Variants in PTPRR observed in about 807,000 individuals in gnomAD.
PTPRR encodes the protein receptor-type tyrosine-protein phosphatase R.
In PTPRR, 38 loss-of-function variants were observed where a neutral mutation model predicts 77.2. That is an observed-to-expected ratio of 0.49 (90% CI 0.38 to 0.65). PTPRR has a LOEUF of 0.65. Among genes scored for constraint, PTPRR ranks in the 30% least tolerant of loss-of-function variants. PTPRR has a pLI of 0.00. For synonymous variants in PTPRR, 299 were observed against 283.1 expected, an observed-to-expected ratio of 1.06 and a Z score of -0.57; for missense variants, 744 against 799.2, an observed-to-expected ratio of 0.93 and a Z score of 0.83.
At chr12:70,691,515 G>A (rs577061556) in intron 8 of PTPRR, among the ~76,000 whole-genome samples, 2 of 151,996 alleles carry the variant, frequency 1.3e-5, no homozygotes, top group Admixed American at 6.6e-5. Context: ...ACTTTATTAC[G>A]CACATCCTGA....
chr12:70,885,045 CTTAAGAT>C (rs1462465353), intron 2 of PTPRR, among the ~76,000 whole-genome samples: 6 of 151,812 alleles, frequency 4.0e-5, no homozygotes. Flanking sequence ...TTTCACTTTA[CTTAAGAT>C]TTAAGGTCTA....
At chr12:70,677,869 T>C (rs1369673216) in intron 10 of PTPRR, among the ~76,000 whole-genome samples, 55 of 152,308 alleles carry the variant, frequency 3.6e-4, no homozygotes, top group Non-Finnish European at 1.2e-4. Context: ...GTTTCTTTTT[T>C]GGTTGAGTCC....
At chr12:70,761,656 A>T in intron 3 of PTPRR, 30 bp from the exon 4 acceptor site, 1 of 1,496,262 alleles carries the variant, frequency 6.7e-7, no homozygotes, top group Middle Eastern at 1.9e-4. Context: ...TGTATTTGTT[A>T]TAGACATTTT....
chr12:70,798,657 G>A (rs998136417), intron 2 of PTPRR, among the ~76,000 whole-genome samples: 12 of 152,140 alleles, frequency 7.9e-5, no homozygotes, highest in Non-Finnish European at 1.6e-4. Flanking sequence ...GCCAAATCTT[G>A]AAATGCTGCT....
chr12:70,908,270 C>T (rs377128359), intron 1 of PTPRR, among the ~76,000 whole-genome samples: 3 of 152,120 alleles, frequency 2.0e-5, no homozygotes, highest in East Asian at 1.9e-4. Context: ...GACATTAATG[C>T]TTATATATTA....
intron 2 of PTPRR, among the ~76,000 whole-genome samples, chr12:70,812,245 AAG>A (rs1198378268): frequency 6.6e-6 from 1 of 152,210 alleles, no homozygotes; most frequent in Non-Finnish European, 1.5e-5. Context: ...ATAATTGCAC[AAG>A]AGACACTGGC....
intron 10 of PTPRR, among the ~76,000 whole-genome samples, chr12:70,676,703 T>C (rs1474129202): frequency 6.6e-6 from 1 of 152,066 alleles, no homozygotes; most frequent in Non-Finnish European, 1.5e-5. Context: ...TTGTTGTTTG[T>C]AGTGAGAATA....
intron 1 of PTPRR, among the ~76,000 whole-genome samples, chr12:70,910,421 G>A (rs1267122703): frequency 2.6e-5 from 4 of 152,044 alleles, no homozygotes; most frequent in South Asian, 4.1e-4. Flanking sequence ...AAAAGGTAAG[G>A]CAATTATCTT....
chr12:70,753,794 A>G (rs976144723), intron 5 of PTPRR, among the ~76,000 whole-genome samples: 1 of 152,190 alleles, frequency 6.6e-6, no homozygotes, highest in Non-Finnish European at 1.5e-5. Context: ...ATCTTGTCTC[A>G]AAGACATATC....
At chr12:70,701,429 T>A (rs1294352057) in intron 6 of PTPRR, 106 bp from the exon 7 acceptor site, 2 of 960,282 alleles carry the variant, frequency 2.1e-6, no homozygotes, top group Non-Finnish European at 3.1e-6. Context: ...TTTACAGAAA[T>A]AACAACCAAC....
intron 6 of PTPRR, among the ~76,000 whole-genome samples, chr12:70,718,727 T>C (rs1889129716): frequency 3.3e-5 from 5 of 152,178 alleles, no homozygotes; most frequent in South Asian, 4.1e-4. Flanking sequence ...ATTTAAATAT[T>C]TTGAGTGTGT....
At chr12:70,760,526 A>G (rs1024394808) in intron 4 of PTPRR, among the ~76,000 whole-genome samples, 2 of 152,160 alleles carry the variant, frequency 1.3e-5, no homozygotes, top group African/African-American at 4.8e-5. Context: ...AAGATGGCTC[A>G]CTCACATCTG....
intron 1 of PTPRR, among the ~76,000 whole-genome samples, chr12:70,901,641 A>G (rs760106167): frequency 6.6e-6 from 1 of 151,710 alleles, no homozygotes; most frequent in African/African-American, 2.4e-5. Flanking sequence ...TCTGAGACCT[A>G]AAACTCTAAA....
At chr12:70,673,024 G>T (rs1245773352) in intron 10 of PTPRR, 1 of 1,007,794 alleles carries the variant, frequency 9.9e-7, no homozygotes, top group Admixed American at 5.3e-5. Flanking sequence ...AATACGTCGG[G>T]CCAAAGCAAA....
At chr12:70,811,952 A>G (rs1049172451) in intron 2 of PTPRR, among the ~76,000 whole-genome samples, 5 of 152,226 alleles carry the variant, frequency 3.3e-5, no homozygotes, top group Non-Finnish European at 7.3e-5. Flanking sequence ...GATAGTCACA[A>G]AAAGATTTTC....
intron 1 of PTPRR, among the ~76,000 whole-genome samples, chr12:70,894,318 C>T (rs1369439714): frequency 6.6e-6 from 1 of 151,756 alleles, no homozygotes; most frequent in African/African-American, 2.4e-5. Flanking sequence ...ATCTAGTACT[C>T]ATGCTACTGG....
intron 2 of PTPRR, among the ~76,000 whole-genome samples, chr12:70,871,234 A>G (rs1475257209): frequency 6.6e-6 from 1 of 152,172 alleles, no homozygotes; most frequent in Non-Finnish European, 1.5e-5. Context: ...CCTCTGGCAA[A>G]TGGGTACTTG....
At chr12:70,713,920 T>G (rs1371662731) in intron 6 of PTPRR, among the ~76,000 whole-genome samples, 1 of 152,172 alleles carries the variant, frequency 6.6e-6, no homozygotes, top group Non-Finnish European at 1.5e-5. Context: ...GGTCAAACCT[T>G]ATTGTGGGTG....
At chr12:70,700,698 T>A (rs1417383637) in intron 7 of PTPRR, among the ~76,000 whole-genome samples, 3 of 152,158 alleles carry the variant, frequency 2.0e-5, no homozygotes, top group African/African-American at 7.2e-5. Flanking sequence ...CCACTGCAAA[T>A]AGAATGATCT....
Sources: gnomAD v4.1 joint callset for allele counts (sites outside exome capture counted in the v4.1 genomes callset) on GRCh38, gnomAD v4.1.1 for gene constraint, MANE v1.5 for transcripts, NCBI Gene and HGNC (gene_info 2026-07-23, HGNC 2026-07-21) for gene names.